LEPR: variants seen among roughly 807,000 people sequenced by gnomAD.
The protein encoded by LEPR is OB receptor.
Under a neutral mutation model 114.7 loss-of-function variants are expected in LEPR, and 56 were observed. The observed-to-expected ratio is 0.49, with a 90% confidence interval of 0.39 to 0.61. LEPR has a LOEUF of 0.61. Ranked by LOEUF, LEPR falls within the 20% of genes least tolerant of loss-of-function variation. The pLI, the probability that LEPR is intolerant of heterozygous loss-of-function variation, is 0.00. For missense variants in LEPR, 1,202 were observed against 1,352.9 expected (o/e 0.89, Z 1.75); for synonymous variants, 443 against 461.4 (o/e 0.96, Z 0.51).
At chr1:65,629,740 A>G (rs1161732889) in intron 19 of LEPR, among the ~76,000 whole-genome samples, 2 of 147,338 alleles carry the variant, frequency 1.4e-5, no homozygotes, top group Non-Finnish European at 3.0e-5. Context: ...CCCTCCCATT[A>G]TATAATCTAT....
intron 2 of LEPR, among the ~76,000 whole-genome samples, chr1:65,514,440 C>G (rs72923210): frequency 2.0e-5 from 3 of 152,168 alleles, no homozygotes; most frequent in Non-Finnish European, 1.5e-5. Flanking sequence ...TAGATATTTT[C>G]AAATAGCTGT....
intron 2 of LEPR, among the ~76,000 whole-genome samples, chr1:65,480,931 C>T (rs914221225): frequency 2.0e-5 from 3 of 152,092 alleles, no homozygotes; most frequent in Non-Finnish European, 2.9e-5. Flanking sequence ...CCAATAAATA[C>T]GTATATATTA....
At chr1:65,423,066 C>G (rs927781712) in intron 1 of LEPR, among the ~76,000 whole-genome samples, 1 of 152,166 alleles carries the variant, frequency 6.6e-6, no homozygotes. Flanking sequence ...TGTCAGTCCT[C>G]TAAGATAGGA....
At chr1:65,502,145 A>C (rs1317805093) in intron 2 of LEPR, among the ~76,000 whole-genome samples, 1 of 152,134 alleles carries the variant, frequency 6.6e-6, no homozygotes, top group Non-Finnish European at 1.5e-5. Context: ...AGGTAACTGT[A>C]TTTGGAGGTA....
At chr1:65,547,615 C>T (rs887074030) in intron 2 of LEPR, among the ~76,000 whole-genome samples, 4 of 151,322 alleles carry the variant, frequency 2.6e-5, no homozygotes, top group African/African-American at 9.8e-5. Flanking sequence ...GTAGTATTCT[C>T]TGATGGTAGT....
At chr1:65,431,816 C>T in intron 2 of LEPR, 1 of 1,613,392 alleles carries the variant, frequency 6.2e-7, no homozygotes, top group Non-Finnish European at 8.5e-7. Context: ...AAATGGGGAG[C>T]CTGCGGCCTT....
chr1:65,631,027 A>G (rs1417019578), intron 19 of LEPR, among the ~76,000 whole-genome samples: 8 of 151,340 alleles, frequency 5.3e-5, no homozygotes, highest in Non-Finnish European at 8.8e-5. Context: ...TTTTCCTTTC[A>G]TGTTTAGGAA....
At position 65,605,119 on chromosome 1, in the gene LEPR, TTA is replaced by T; in HGVS notation, c.1487_1488del (p.Tyr496Ter). The T allele has an allele frequency of 6.2e-7, 1 of 1,614,168 alleles. No individual in the cohort carries two copies. ...KDCYLQSDGF[Y>X]ECIFQPIFLL... ...ATTGCTATTTGCAGAGTGATGGTTT[TTA>T]TGAATGCATTTTCCAGCCAATCTTC... On this transcript the variant is annotated frameshift_variant, in exon 11 of 20. Coordinates refer to ENST00000349533, the MANE Select transcript of LEPR (RefSeq NM_002303.6). LOFTEE classifies it high-confidence loss of function.
chr1:65,618,208 A>G (rs1201397036), intron 16 of LEPR, 62 bp downstream of exon 16: 2 of 1,471,482 alleles, frequency 1.4e-6, no homozygotes, highest in Non-Finnish European at 1.9e-6. Flanking sequence ...CAGATTATTA[A>G]TTCTATTAAT....
chr1:65,580,883 A>G (rs1307135816), intron 5 of LEPR, among the ~76,000 whole-genome samples: 2 of 152,176 alleles, frequency 1.3e-5, no homozygotes, highest in African/African-American at 4.8e-5. Flanking sequence ...CAGATACCAC[A>G]TGGCAGGACT....
In LEPR at chr1:65,636,918, G is replaced by A; in HGVS notation, c.3401G>A (p.Ser1134Asn). The stretch of plus-strand genomic sequence containing the variant: ...AATAATATCAACTTAGGAACTTCTA[G>A]TAAGAAGACTTTTGCATCTTACATG... The part of the protein sequence containing the change: ...VENNINLGTS[S>N]KKTFASYMPQ... The change falls in exon 20 of 20, where the codon AGT becomes AAT. Residue 1134 changes from serine to asparagine, a missense_variant. By Grantham distance (46) the Ser-to-Asn change is conservative. Coordinates refer to ENST00000349533, the MANE Select transcript of LEPR (RefSeq NM_002303.6). 1 of 1,608,086 alleles carries A rather than the reference G, an allele frequency of 6.2e-7. No homozygotes were observed. Among genetic ancestry groups the A allele is most frequent in the Non-Finnish European group, 8.5e-7 (1 of 1,177,670 alleles).
At chr1:65,452,481 A>C (rs1646800951) in intron 2 of LEPR, among the ~76,000 whole-genome samples, 1 of 152,022 alleles carries the variant, frequency 6.6e-6, no homozygotes, top group Non-Finnish European at 1.5e-5. Flanking sequence ...GAGAGTTTTT[A>C]GCATGAAGGG....
chr1:65,490,202 A>G (rs1016441331), intron 2 of LEPR, among the ~76,000 whole-genome samples: 4 of 152,114 alleles, frequency 2.6e-5, no homozygotes, highest in Admixed American at 2.6e-4. Flanking sequence ...CCAATAGGTC[A>G]TCGCTTCCAG....
chr1:65,433,095 G>T (rs892859553), intron 2 of LEPR: 3 of 985,300 alleles, frequency 3.0e-6, no homozygotes, highest in Non-Finnish European at 3.6e-6. Context: ...TTAGCAGGAG[G>T]GGGAGAACAG....
At position 65,449,485 on chromosome 1, in the gene LEPR, G is replaced by A. The variant is rs2100318250; in HGVS notation, c.-21+24107G>A. On this transcript the variant is annotated intron_variant, in intron 2 of 19. Coordinates refer to ENST00000349533, the MANE Select transcript of LEPR (RefSeq NM_002303.6). ...AGGGTAGGCTGGGAGGGGCTGCCAT[G>A]GCTGTTCACTTGGGCAGGACATCAG... 2.0e-5 allele frequency among the ~76,000 whole-genome samples: 3 copies of A among 152,042 alleles called. No individual in the cohort carries two copies. The South Asian group carries it at 6.2e-4, about 32-fold the overall frequency.
intron 2 of LEPR, among the ~76,000 whole-genome samples, chr1:65,438,878 A>G (rs1646607921): frequency 6.6e-6 from 1 of 152,190 alleles, no homozygotes; most frequent in Non-Finnish European, 1.5e-5. Context: ...TCAGGTGCTC[A>G]AAAGCTTTTA....
intron 2 of LEPR, among the ~76,000 whole-genome samples, chr1:65,449,439 G>A (rs1020099703): frequency 6.6e-6 from 1 of 152,042 alleles, no homozygotes; most frequent in Non-Finnish European, 1.5e-5. Context: ...CTCCCTCTCG[G>A]ACCCTGGGGC....
In LEPR at chr1:65,542,771, T is replaced by C. The variant is rs542920044; in HGVS notation, c.-20-22775T>C. 1.3e-3 allele frequency among the ~76,000 whole-genome samples: 194 copies of C among 152,130 alleles called. 3 individuals are homozygous for C. Among genetic ancestry groups the C allele is most frequent in the Middle Eastern group, 3.4e-3 (1 of 294 alleles). On this transcript the variant is annotated intron_variant, in intron 2 of 19. Transcript: ENST00000349533. The stretch of plus-strand genomic sequence containing the variant: ...GAATGATGGTTTCCAGCTTCATTCA[T>C]GTCCCTGCAAAGGATATGAACTCAT...
rs769836912 is a variant in LEPR at position 65,431,938 on chromosome 1, G to A, written c.-21+6560G>A. 31 of 1,608,382 alleles carry A rather than the reference G, an allele frequency of 1.9e-5. 3 individuals are homozygous for A. The South Asian group carries it at 3.3e-4, about 17-fold the overall frequency. ...GTGGTAGCACTTTATTCTGATTACA[G>A]TGCATTGAATTTCTTAGAACTCATA... is the stretch of plus-strand genomic sequence containing the variant. On this transcript the variant is annotated intron_variant, in intron 2 of 19. Transcript: ENST00000349533.
Sources: allele counts gnomAD v4.1 joint callset (sites outside exome capture counted in the v4.1 genomes callset), GRCh38; gene constraint gnomAD v4.1.1; transcripts MANE v1.5; gene names NCBI Gene and HGNC (gene_info 2026-07-23, HGNC 2026-07-21).